PSEN1: variants seen among roughly 807,000 people sequenced by gnomAD.
PSEN1 encodes presenilin 1.
PSEN1 carries 15 observed loss-of-function variants against 53.5 expected under a neutral mutation model. The observed-to-expected ratio is 0.28, with a 90% confidence interval of 0.19 to 0.43. The LOEUF (loss-of-function observed/expected upper bound fraction) is 0.43, where lower values mean the gene tolerates loss of function less well. PSEN1 is among the 20% of genes least tolerant of loss of function. PSEN1 has a pLI of 1.00. For synonymous variants in PSEN1, 208 were observed against 209.8 expected (o/e 0.99, Z 0.08); for missense variants, 387 against 571.2 (o/e 0.68, Z 3.29).
chr14:73,153,714 CT>C lies in PSEN1; in HGVS notation c.87+5624del, dbSNP rs773862128. 5.0e-3 allele frequency among the ~76,000 whole-genome samples: 646 copies of C among 129,978 alleles called. 4 individuals are homozygous for C. The highest frequency in any genetic ancestry group is 0.028 in the Middle Eastern group (7 of 246). 85.3% of individuals were successfully genotyped at this position (129,978 alleles called of 152,430 possible). A position where few individuals can be genotyped will look rare whatever the true frequency, so the allele number is the denominator to read the frequency against. On this transcript the variant is annotated intron_variant, in intron 3 of 11. Transcript: ENST00000324501. ...TTAAAGGATTAATACATTTTCTTTC[CT>C]TTTTTTTTTTTTTTTGAAACGGAGC...
At chr14:73,173,083 A>G (rs1486045202) in intron 4 of PSEN1, among the ~76,000 whole-genome samples, 1 of 152,176 alleles carries the variant, frequency 6.6e-6, no homozygotes, top group Non-Finnish European at 1.5e-5. Flanking sequence ...TTTTCTGTGA[A>G]TGAGAAACAA....
At chr14:73,169,276 G>T (rs1370999795) in intron 3 of PSEN1, 1 of 151,950 alleles carries the variant, frequency 6.6e-6, no homozygotes, top group Non-Finnish European at 1.5e-5. Context: ...TCGTTTTCTG[G>T]TTTTCTCCCA....
intron 5 of PSEN1, among the ~76,000 whole-genome samples, chr14:73,184,165 A>C (rs1350987631): frequency 5.2e-5 from 2 of 38,210 alleles, no homozygotes; most frequent in African/African-American, 2.4e-4. Flanking sequence ...TGACCCCCCC[A>C]CCTCCCTCCC....
At chr14:73,195,483 T>C (rs1898903032) in intron 7 of PSEN1, among the ~76,000 whole-genome samples, 1 of 152,238 alleles carries the variant, frequency 6.6e-6, no homozygotes, top group African/African-American at 2.4e-5. Context: ...TACTCATCAC[T>C]TACTAGCTAT....
chr14:73,223,320 T>C lies in PSEN1; in HGVS notation c.*4031T>C, dbSNP rs982060889. 2.0e-5 allele frequency: 3 copies of C among 152,216 alleles called. No individual in the cohort carries two copies. The highest frequency in any genetic ancestry group is 4.8e-5 in the African/African-American group (2 of 41,460). 9.4% of individuals were successfully genotyped at this position (152,216 alleles called of 1,614,324 possible). A position where few individuals can be genotyped will look rare whatever the true frequency, so the allele number is the denominator to read the frequency against. ...GCTGGGTCCACCCTGAGCCCTGACA[T>C]GTGGTGGCAGCATTGCCAGTTGGTC... is the stretch of plus-strand genomic sequence containing the variant. On this transcript the variant is annotated 3_prime_UTR_variant, in exon 12 of 12. Coordinates refer to ENST00000324501, the MANE Select transcript of PSEN1 (RefSeq NM_000021.4).
At chr14:73,162,802 G>T (rs1310164839) in intron 3 of PSEN1, among the ~76,000 whole-genome samples, 1 of 152,180 alleles carries the variant, frequency 6.6e-6, no homozygotes, top group Admixed American at 6.5e-5. Flanking sequence ...GTATGTGTTT[G>T]TATTTGCTTG....
At chr14:73,143,751 GC>G (rs1237770149) in intron 1 of PSEN1, among the ~76,000 whole-genome samples, 1 of 152,004 alleles carries the variant, frequency 6.6e-6, no homozygotes, top group East Asian at 1.9e-4. Flanking sequence ...AGTGGCTCAG[GC>G]CTGTAATCCT....
intron 5 of PSEN1, among the ~76,000 whole-genome samples, chr14:73,181,862 C>T (rs894009880): frequency 4.6e-5 from 7 of 152,116 alleles, no homozygotes; most frequent in African/African-American, 1.7e-4. Context: ...CACCCTATAC[C>T]TCCTGGGTTC....
chr14:73,221,708 T>C lies in PSEN1; in HGVS notation c.*2419T>C, dbSNP rs878945489. 1 of 152,176 alleles carries C rather than the reference T, an allele frequency of 6.6e-6. No homozygotes were observed. Among genetic ancestry groups the C allele is most frequent in the South Asian group, 2.1e-4 (1 of 4,834 alleles). 9.4% of individuals were successfully genotyped at this position (152,176 alleles called of 1,614,324 possible). The stretch of plus-strand genomic sequence containing the variant: ...GAGACTACAGCCCATCTTATTTCTT[T>C]AAATCATTCATCTCAGGCAGAGAAC... On this transcript the variant is annotated 3_prime_UTR_variant, in exon 12 of 12. Coordinates refer to ENST00000324501, the MANE Select transcript of PSEN1 (RefSeq NM_000021.4).
At chr14:73,195,139 C>T (rs1426580119) in intron 7 of PSEN1, among the ~76,000 whole-genome samples, 2 of 152,256 alleles carry the variant, frequency 1.3e-5, no homozygotes, top group Admixed American at 1.3e-4. Flanking sequence ...GGTCTGGAGA[C>T]AGAATGTCTG....
chr14:73,152,691 A>G (rs1244146243), intron 3 of PSEN1, among the ~76,000 whole-genome samples: 33 of 152,074 alleles, frequency 2.2e-4, no homozygotes, highest in Admixed American at 2.2e-3. Context: ...ATTGGAGTTT[A>G]TATTATGCCC....
At chr14:73,218,994 T>A in intron 11 of PSEN1, 140 bp from the exon 12 acceptor site, 1 of 906,030 alleles carries the variant, frequency 1.1e-6, no homozygotes, top group Non-Finnish European at 1.8e-6. Context: ...CCAGATTGAA[T>A]GAACGTCTGT....
chr14:73,139,211 A>G (rs1896844603), intron 1 of PSEN1: 1 of 151,026 alleles, frequency 6.6e-6, no homozygotes, highest in African/African-American at 2.4e-5. Flanking sequence ...TGAACCCAGG[A>G]GGCGGAGCTT....
intron 10 of PSEN1, among the ~76,000 whole-genome samples, chr14:73,215,799 A>G (rs1217445612): frequency 6.6e-6 from 1 of 152,228 alleles, no homozygotes; most frequent in Non-Finnish European, 1.5e-5. Flanking sequence ...TAACAATACC[A>G]AGAGCTGGTG....
intron 7 of PSEN1, among the ~76,000 whole-genome samples, chr14:73,195,711 C>A (rs1437533816): frequency 6.6e-6 from 1 of 152,128 alleles, no homozygotes; most frequent in Non-Finnish European, 1.5e-5. Flanking sequence ...CCTGTCTCAG[C>A]CTCCCGAGTA....
In PSEN1 at chr14:73,145,360, G is replaced by T. The variant is rs145949063; in HGVS notation, c.-135-2435G>T. Among the ~76,000 whole-genome samples the T allele has an allele frequency of 3.1e-3, 476 of 151,564 alleles. 2 individuals are homozygous for T. The highest frequency in any genetic ancestry group is 8.7e-3 in the African/African-American group (360 of 41,314). On this transcript the variant is annotated intron_variant, in intron 1 of 11. Transcript: ENST00000324501. ...TTTATTATTTGTTTTTTTGAGACAG[G>T]GTCTCACTCTGTCACTCAGGCTGGA... is the stretch of plus-strand genomic sequence containing the variant.
At chr14:73,216,540 C>T (rs1284868630) in intron 10 of PSEN1, among the ~76,000 whole-genome samples, 2 of 152,108 alleles carry the variant, frequency 1.3e-5, no homozygotes, top group South Asian at 2.1e-4. Context: ...GTGGGTGGAT[C>T]ATGAGGTCAG....
chr14:73,221,949 T>C lies in PSEN1; in HGVS notation c.*2660T>C, dbSNP rs1900126474. On this transcript the variant is annotated 3_prime_UTR_variant, in exon 12 of 12. Coordinates refer to ENST00000324501, the MANE Select transcript of PSEN1 (RefSeq NM_000021.4). ...CAAGCCAATCTGCTTAATAAAAAGATGGAAGACAGTAAGGAAGGAAAGTAG... is the reference window on the plus strand; with the variant it reads ...CAAGCCAATCTGCTTAATAAAAAGACGGAAGACAGTAAGGAAGGAAAGTAG... The C allele has an allele frequency of 6.6e-6, 1 of 152,178 alleles. No homozygotes were observed. The highest frequency in any genetic ancestry group is 6.5e-5 in the Admixed American group (1 of 15,290). 9.4% of individuals were successfully genotyped at this position (152,178 alleles called of 1,614,324 possible). A position where few individuals can be genotyped will look rare whatever the true frequency, so the allele number is the denominator to read the frequency against.
In PSEN1 at chr14:73,183,953, G is replaced by A. The variant is rs1450703541; in HGVS notation, c.481-2900G>A. 4.9e-5 allele frequency among the ~76,000 whole-genome samples: 7 copies of A among 141,424 alleles called. 1 individual carries two copies. Among genetic ancestry groups the A allele is most frequent in the South Asian group, 4.7e-4 (2 of 4,266 alleles). The allele number at this position is 141,424 out of a possible 152,430, so 92.8% of individuals were successfully genotyped here. A position where few individuals can be genotyped will look rare whatever the true frequency, so the allele number is the denominator to read the frequency against. ...TGACCCCCCCACCTCCCTCCCGGAC[G>A]GGGCGGCTGGCCGGGCAGAGGGGCT... On this transcript the variant is annotated intron_variant, in intron 5 of 11. Transcript: ENST00000324501.
Sources: allele counts gnomAD v4.1 joint callset (sites outside exome capture counted in the v4.1 genomes callset), GRCh38; gene constraint gnomAD v4.1.1; transcripts MANE v1.5; gene names NCBI Gene and HGNC (gene_info 2026-07-23, HGNC 2026-07-21).